The following RBFOX3 variants were observed in gnomAD, a reference collection of about 807,000 sequenced individuals.
RBFOX3 encodes RNA binding fox-1 homolog 3.
A neutral mutation model predicts 48.7 loss-of-function variants in RBFOX3; 17 were observed. The observed-to-expected ratio is 0.35, with a 90% CI of 0.24 to 0.52. The LOEUF is 0.52. Among genes scored for constraint, RBFOX3 ranks in the 20% least tolerant of loss-of-function variants. The pLI is 0.94. For missense variants in RBFOX3, 382 were observed against 497.5 expected (o/e 0.77, Z 2.21); for synonymous variants, 212 against 209.5 (o/e 1.01, Z -0.10).
chr17:79,626,685 G>A, the RBFOX3 span, among the ~76,000 whole-genome samples: 6 of 152,204 alleles, frequency 3.9e-5, no homozygotes, highest in Non-Finnish European at 8.8e-5. Context: ...CCAGCTCCCG[G>A]GTCACACACT....
intron 2 of RBFOX3, among the ~76,000 whole-genome samples, chr17:79,332,557 G>A (rs1430698373): frequency 8.1e-6 from 1 of 123,996 alleles, no homozygotes; most frequent in African/African-American, 2.8e-5. Context: ...ACAGAGAAGT[G>A]TGGGGGCGTG....
At chr17:79,114,579 G>A (rs2033263848) in intron 5 of RBFOX3, among the ~76,000 whole-genome samples, 1 of 152,252 alleles carries the variant, frequency 6.6e-6, no homozygotes, top group Non-Finnish European at 1.5e-5. Context: ...AGGCTGGACG[G>A]CAGGAGGGCT....
At chr17:79,287,907 C>G (rs1005603973) in intron 3 of RBFOX3, among the ~76,000 whole-genome samples, 1 of 152,162 alleles carries the variant, frequency 6.6e-6, no homozygotes, top group Non-Finnish European at 1.5e-5. Context: ...CATTGCGGCA[C>G]GTCGCAGACA....
At chr17:79,567,180 C>CTTTTT (rs1159762873) in intron 1 of RBFOX3, among the ~76,000 whole-genome samples, 32 of 92,070 alleles carry the variant, frequency 3.5e-4, no homozygotes, top group South Asian at 4.6e-4. Context: ...TTCTTTCTTT[C>CTTTTT]TTTTTTTTTT....
chr17:79,158,548 A>G (rs1411716517), intron 4 of RBFOX3, among the ~76,000 whole-genome samples: 1 of 152,166 alleles, frequency 6.6e-6, no homozygotes, highest in African/African-American at 2.4e-5. Flanking sequence ...GCTTACTCCT[A>G]AACACCCCAA....
intron 2 of RBFOX3, among the ~76,000 whole-genome samples, chr17:79,368,556 A>G (rs2058099911): frequency 2.0e-5 from 3 of 152,194 alleles, no homozygotes; most frequent in Admixed American, 6.5e-5. Flanking sequence ...CTGCAGGACA[A>G]TTGAGAAGCC....
At chr17:79,105,002 A>G (rs1023573158) in intron 6 of RBFOX3, among the ~76,000 whole-genome samples, 21 of 151,908 alleles carry the variant, frequency 1.4e-4, no homozygotes, top group Non-Finnish European at 2.9e-4. Flanking sequence ...CATAGTCCCC[A>G]TGGGGCAGCC....
chr17:79,169,927 G>A (rs1342119249), intron 4 of RBFOX3, among the ~76,000 whole-genome samples: 1 of 151,316 alleles, frequency 6.6e-6, no homozygotes, highest in African/African-American at 2.4e-5. Context: ...GAGGAAAGAA[G>A]GAAGAAGAGA....
chr17:79,093,791 C>A (rs767200987), intron 14 of RBFOX3, among the ~76,000 whole-genome samples: 637 of 143,950 alleles, frequency 4.4e-3, no homozygotes, highest in Non-Finnish European at 5.5e-3. Flanking sequence ...CAACAGCTGG[C>A]CACACACACA....
At chr17:79,621,332 C>G in the RBFOX3 span, among the ~76,000 whole-genome samples, 4 of 152,146 alleles carry the variant, frequency 2.6e-5, no homozygotes, top group African/African-American at 9.7e-5. Flanking sequence ...AAAGTTGAAA[C>G]CCAGCACCGA....
intron 3 of RBFOX3, among the ~76,000 whole-genome samples, chr17:79,297,155 G>A (rs60298409): frequency 0.27 from 40,406 of 151,670 alleles, 6,462 homozygotes; most frequent in African/African-American, 0.44. Flanking sequence ...CCTCTTCTCC[G>A]AGCAGCCATG....
At chr17:79,138,974 TG>T (rs1568208122) in intron 4 of RBFOX3, among the ~76,000 whole-genome samples, 1 of 135,366 alleles carries the variant, frequency 7.4e-6, no homozygotes. Context: ...ACACAGCACA[TG>T]CGTTCACACC....
intron 1 of RBFOX3, among the ~76,000 whole-genome samples, chr17:79,509,559 G>A (rs909681052): frequency 2.6e-5 from 4 of 152,142 alleles, no homozygotes; most frequent in East Asian, 1.9e-4. Context: ...CTGGTTCTCC[G>A]GCTGGTCTAA....
In RBFOX3 at chr17:79,162,656, G is replaced by A. The variant is rs549039485; in HGVS notation, c.-33-46908C>T. 6.6e-5 allele frequency among the ~76,000 whole-genome samples: 10 copies of A among 152,354 alleles called. No individual in the cohort carries two copies. The South Asian group carries it at 1.9e-3, about 28-fold the overall frequency. On this transcript the variant is annotated intron_variant, in intron 4 of 14. Transcript: ENST00000693108. The stretch of plus-strand genomic sequence containing the variant: ...AAATTAGTTAAATGGAGAGGAAGGA[G>A]CTGTGGAAAATTGACCCCTCGATCT...
At chr17:79,221,312 C>T (rs955382764) in intron 4 of RBFOX3, among the ~76,000 whole-genome samples, 2 of 152,276 alleles carry the variant, frequency 1.3e-5, no homozygotes, top group African/African-American at 4.8e-5. Flanking sequence ...ACAAAAGAGA[C>T]TTCTTTCTAT....
chr17:79,446,065 G>A (rs1555738121), intron 2 of RBFOX3, among the ~76,000 whole-genome samples: 1 of 152,174 alleles, frequency 6.6e-6, no homozygotes, highest in African/African-American at 2.4e-5. Flanking sequence ...CCCCCGACAT[G>A]TCAACAGTGC....
At chr17:79,323,080 T>C (rs965083629) in intron 2 of RBFOX3, among the ~76,000 whole-genome samples, 3 of 152,214 alleles carry the variant, frequency 2.0e-5, no homozygotes, top group Admixed American at 6.5e-5. Context: ...AAAGCCTTCA[T>C]TAGGAGGGGG....
At chr17:79,213,570 A>G (rs1600038991) in intron 4 of RBFOX3, among the ~76,000 whole-genome samples, 1 of 150,578 alleles carries the variant, frequency 6.6e-6, no homozygotes, top group Non-Finnish European at 1.5e-5. Context: ...GGTCAGCCCC[A>G]CTCTCCTGTC....
At chr17:79,496,558 C>T (rs982916583) in intron 1 of RBFOX3, among the ~76,000 whole-genome samples, 27 of 152,192 alleles carry the variant, frequency 1.8e-4, no homozygotes, top group African/African-American at 6.5e-4. Flanking sequence ...TTCTAGCCAC[C>T]AGGAGAAAGC....
Sources: allele counts gnomAD v4.1 joint callset (sites outside exome capture counted in the v4.1 genomes callset), GRCh38; gene constraint gnomAD v4.1.1; transcripts MANE v1.5; gene names NCBI Gene and HGNC (gene_info 2026-07-23, HGNC 2026-07-21).